Variants in ASIC2 observed in about 807,000 individuals in gnomAD.
ASIC2 encodes acid-sensing ion channel 2.
In ASIC2, 25 loss-of-function variants were observed where a neutral mutation model predicts 57.3. That is an observed-to-expected ratio of 0.44 (90% CI 0.32 to 0.61). The LOEUF is 0.61. ASIC2 is among the 20% of genes least tolerant of loss of function. The probability of loss-of-function intolerance (pLI) is 0.06; values close to 1 mark genes in which losing one functional copy is unlikely to be tolerated. For missense variants in ASIC2, 641 were observed against 738.1 expected (o/e 0.87, Z 1.52); for synonymous variants, 319 against 307.5 (o/e 1.04, Z -0.39).
At chr17:33,263,636 C>T (rs1909362417) in intron 1 of ASIC2, among the ~76,000 whole-genome samples, 1 of 126,172 alleles carries the variant, frequency 7.9e-6, no homozygotes, top group Non-Finnish European at 1.7e-5. Flanking sequence ...TGGGCTCTGG[C>T]CTTCAGTGAA....
At chr17:33,464,002 C>T (rs767009129) in intron 1 of ASIC2, among the ~76,000 whole-genome samples, 1 of 146,752 alleles carries the variant, frequency 6.8e-6, no homozygotes, top group Non-Finnish European at 1.5e-5. Flanking sequence ...CATCTGAACA[C>T]CTAATCACAA....
intron 1 of ASIC2, among the ~76,000 whole-genome samples, chr17:34,112,849 T>A (rs1598033065): frequency 6.6e-6 from 1 of 152,160 alleles, no homozygotes; most frequent in African/African-American, 2.4e-5. Flanking sequence ...ACACACTCAA[T>A]AGGATGAGAC....
intron 3 of ASIC2, among the ~76,000 whole-genome samples, chr17:33,080,411 A>G (rs2092108456): frequency 6.6e-6 from 1 of 152,110 alleles, no homozygotes; most frequent in South Asian, 2.1e-4. Flanking sequence ...GACTGGCAAG[A>G]AAAAGGGAAA....
intron 1 of ASIC2, among the ~76,000 whole-genome samples, chr17:33,817,388 A>C (rs1912614837): frequency 6.6e-6 from 1 of 151,948 alleles, no homozygotes; most frequent in African/African-American, 2.4e-5. Flanking sequence ...TGCCTTTGTC[A>C]TGCTACTCCC....
At chr17:33,672,801 G>A (rs961889837) in intron 1 of ASIC2, among the ~76,000 whole-genome samples, 2 of 152,148 alleles carry the variant, frequency 1.3e-5, no homozygotes, top group Admixed American at 6.5e-5. Context: ...CCAGTCTGGC[G>A]TTGAGATGAG....
intron 1 of ASIC2, among the ~76,000 whole-genome samples, chr17:33,975,393 C>A (rs978379582): frequency 6.6e-6 from 1 of 152,078 alleles, no homozygotes; most frequent in Non-Finnish European, 1.5e-5. Flanking sequence ...CCTTTCAACC[C>A]CTTGTCCTAG....
At chr17:34,122,483 G>A (rs914369759) in intron 1 of ASIC2, among the ~76,000 whole-genome samples, 4 of 152,206 alleles carry the variant, frequency 2.6e-5, no homozygotes, top group East Asian at 1.9e-4. Context: ...CTTCGATATC[G>A]ACTTGTTTCT....
At position 33,939,094 on chromosome 17, in the gene ASIC2, G is replaced by A. The variant is rs183210653; in HGVS notation, c.555+216884C>T. 5.8e-3 allele frequency among the ~76,000 whole-genome samples: 879 copies of A among 152,328 alleles called. 4 individuals carry two copies. Among genetic ancestry groups the A allele is most frequent in the Non-Finnish European group, 8.9e-3 (605 of 68,026 alleles). On this transcript the variant is annotated intron_variant, in intron 1 of 9. Coordinates refer to the ASIC2 transcript ENST00000359872. ...CATGGTCCCTGCCAGCCCATTGTTG[G>A]GGCCTCACCCCTTCTTACTGCCCAG...
chr17:33,111,746 A>C, intron 2 of ASIC2, 171 bp downstream of exon 2: 1 of 907,752 alleles, frequency 1.1e-6, no homozygotes, highest in Non-Finnish European at 1.6e-6. Context: ...GAGGAAACCC[A>C]GGGCATCCCA....
In ASIC2 at chr17:33,058,470, C is replaced by CAA. The variant is rs10612611; in HGVS notation, c.988-30080_988-30079dup. Reference sequence around the variant, plus strand: ...CTGTTTTTTCTCCCTTCTGAGAAGTCAAAAAAAAAAAAAAAAAAAAACAAA... The same window carrying CAA: ...CTGTTTTTTCTCCCTTCTGAGAAGTCAAAAAAAAAAAAAAAAAAAAAAACAAA... On this transcript the variant is annotated intron_variant, in intron 3 of 9. Coordinates refer to ENST00000225823, the MANE Select transcript of ASIC2 (RefSeq NM_183377.2). Among the ~76,000 whole-genome samples, 706 of 109,666 alleles carry CAA rather than the reference C, an allele frequency of 6.4e-3. 7 individuals are homozygous for CAA. The highest frequency in any genetic ancestry group is 0.023 in the African/African-American group (672 of 28,970). The allele number at this position is 109,666 out of a possible 152,430, so 71.9% of individuals were successfully genotyped here. A position where few individuals can be genotyped will look rare whatever the true frequency, so the allele number is the denominator to read the frequency against.
At chr17:33,941,970 A>T (rs1447496917) in intron 1 of ASIC2, among the ~76,000 whole-genome samples, 1 of 152,166 alleles carries the variant, frequency 6.6e-6, no homozygotes, top group Non-Finnish European at 1.5e-5. Context: ...ATATAACACA[A>T]CATTCCCACA....
At chr17:33,313,963 C>G (rs912684857) in intron 1 of ASIC2, among the ~76,000 whole-genome samples, 1 of 152,022 alleles carries the variant, frequency 6.6e-6, no homozygotes, top group Non-Finnish European at 1.5e-5. Context: ...AGTTCTCTCA[C>G]AGAGGATGTG....
intron 1 of ASIC2, among the ~76,000 whole-genome samples, chr17:34,007,351 C>G (rs1174292388): frequency 6.6e-6 from 1 of 152,184 alleles, no homozygotes; most frequent in Non-Finnish European, 1.5e-5. Flanking sequence ...AACTACTCAC[C>G]CTGGGGAGGT....
At chr17:33,668,272 CT>C (rs397856474) in intron 1 of ASIC2, among the ~76,000 whole-genome samples, 11,025 of 61,280 alleles carry the variant, frequency 0.18, 541 homozygotes, top group East Asian at 0.37. Flanking sequence ...ATCAAATGTT[CT>C]TTTTTTTTTT....
intron 1 of ASIC2, among the ~76,000 whole-genome samples, chr17:33,130,997 A>G (rs1453855878): frequency 6.6e-6 from 1 of 152,202 alleles, no homozygotes; most frequent in Non-Finnish European, 1.5e-5. Flanking sequence ...TATGAGCCTC[A>G]GTGTTTTCAT....
At chr17:33,887,788 T>G (rs1009245690) in intron 1 of ASIC2, among the ~76,000 whole-genome samples, 1 of 152,142 alleles carries the variant, frequency 6.6e-6, no homozygotes, top group Non-Finnish European at 1.5e-5. Context: ...CAGGGAGCAG[T>G]TTTAGATTTT....
chr17:34,154,356 G>T (rs1008859516), intron 1 of ASIC2, among the ~76,000 whole-genome samples: 1 of 152,192 alleles, frequency 6.6e-6, no homozygotes, highest in African/African-American at 2.4e-5. Flanking sequence ...GCATTTAGAA[G>T]AGCTTCCAAT....
At chr17:33,632,053 G>T (rs1906189790) in intron 1 of ASIC2, among the ~76,000 whole-genome samples, 1 of 152,092 alleles carries the variant, frequency 6.6e-6, no homozygotes. Flanking sequence ...AGGGCTTGAG[G>T]GACAGAACTG....
At chr17:33,207,152 G>C (rs1475394573) in intron 1 of ASIC2, among the ~76,000 whole-genome samples, 1 of 152,238 alleles carries the variant, frequency 6.6e-6, no homozygotes, top group Non-Finnish European at 1.5e-5. Flanking sequence ...GCTTATAAAG[G>C]AGAATCCCAC....
Sources: allele counts gnomAD v4.1 joint callset (sites outside exome capture counted in the v4.1 genomes callset), GRCh38; gene constraint gnomAD v4.1.1; transcripts MANE v1.5; gene names NCBI Gene and HGNC (gene_info 2026-07-23, HGNC 2026-07-21).